Variants in XPNPEP3 observed in about 807,000 individuals in gnomAD.
XPNPEP3 encodes xaa-Pro aminopeptidase 3.
Under a neutral mutation model 60.0 loss-of-function variants are expected in XPNPEP3, and 41 were observed. The ratio of observed to expected loss-of-function variants is 0.68; its 90% CI spans 0.53 to 0.89. XPNPEP3 has a LOEUF of 0.89. Among genes scored for constraint, XPNPEP3 ranks in the 40% least tolerant of loss-of-function variants. The probability of loss-of-function intolerance (pLI) is 0.00; values close to 1 mark genes in which losing one functional copy is unlikely to be tolerated. For missense variants in XPNPEP3, 598 were observed against 638.9 expected (o/e 0.94, Z 0.69); for synonymous variants, 212 against 223.2 (o/e 0.95, Z 0.45).
At chr22:40,903,880 A>T (rs1363779731) in intron 4 of XPNPEP3, among the ~76,000 whole-genome samples, 446 of 138,612 alleles carry the variant, frequency 3.2e-3, no homozygotes, top group Non-Finnish European at 5.5e-3. Context: ...TCTGTCACAC[A>T]CACACACACA....
Position 40,903,592 on chromosome 22 carries a change from G to A in XPNPEP3, c.793-3995G>A, listed in dbSNP as rs533152323. 4.0e-5 allele frequency among the ~76,000 whole-genome samples: 6 copies of A among 151,872 alleles called. No homozygotes were observed. In the East Asian group the frequency reaches 1.2e-3, roughly 29 times the overall value. ...TGCAACCTCCGCCTCCCGGGTTCAA[G>A]CAATTCTCTGCCTCAGCCTCCCAAG... On this transcript the variant is annotated intron_variant, in intron 4 of 9. Transcript: ENST00000357137.
chr22:40,861,846 G>T, intron 1 of XPNPEP3: 1 of 1,613,668 alleles, frequency 6.2e-7, no homozygotes, highest in Non-Finnish European at 8.5e-7. Context: ...GTATGCCTCA[G>T]CTACTTCTTT....
chr22:40,877,701 T>G (rs972654857), intron 2 of XPNPEP3, among the ~76,000 whole-genome samples: 1 of 152,178 alleles, frequency 6.6e-6, no homozygotes, highest in African/African-American at 2.4e-5. Context: ...AATGCTGACT[T>G]TGTTTTTTAA....
intron 1 of XPNPEP3, 76 bp from the exon 2 acceptor site, chr22:40,868,923 T>C: frequency 8.7e-7 from 1 of 1,145,394 alleles, no homozygotes; most frequent in East Asian, 2.3e-5. Flanking sequence ...TCTAAACTGC[T>C]AGAGATAAGT....
At chr22:40,888,394 C>T in intron 4 of XPNPEP3, 1 of 439,290 alleles carries the variant, frequency 2.3e-6, no homozygotes, top group Non-Finnish European at 4.6e-6. Flanking sequence ...TTGGTGCATG[C>T]CACTATGCCT....
chr22:40,890,247 A>C (rs1308210786), intron 4 of XPNPEP3, among the ~76,000 whole-genome samples: 2 of 152,330 alleles, frequency 1.3e-5, no homozygotes, highest in East Asian at 3.9e-4. Context: ...CTAAAGGCTT[A>C]CATTAAAATA....
intron 6 of XPNPEP3, among the ~76,000 whole-genome samples, chr22:40,910,138 A>AC (rs891477447): frequency 6.6e-5 from 10 of 151,926 alleles, no homozygotes; most frequent in Non-Finnish European, 1.0e-4. Context: ...AAAAAAAAAA[A>AC]CAAAAATAAA....
At chr22:40,926,223 A>G in intron 9 of XPNPEP3, 46 bp from the exon 10 acceptor site, 1 of 1,612,116 alleles carries the variant, frequency 6.2e-7, no homozygotes, top group Non-Finnish European at 8.5e-7. Context: ...CAAACCACCC[A>G]GTTACTATCA....
Position 40,929,749 on chromosome 22 carries a change from G to A in XPNPEP3, c.*3314G>A, listed in dbSNP as rs1443444809. 6.6e-6 allele frequency: 1 copy of A among 152,078 alleles called. No individual in the cohort carries two copies. The highest frequency in any genetic ancestry group is 1.9e-4 in the East Asian group (1 of 5,196). 9.4% of individuals were successfully genotyped at this position (152,078 alleles called of 1,614,324 possible). ...CAGACTTCTCATAGCAATGTTATGG[G>A]CTGTCTGATATATTCAGGATTTGTT... is the stretch of plus-strand genomic sequence containing the variant. On this transcript the variant is annotated 3_prime_UTR_variant, in exon 10 of 10. Coordinates refer to ENST00000357137, the MANE Select transcript of XPNPEP3 (RefSeq NM_022098.4).
chr22:40,921,620 G>A (rs983309569), intron 7 of XPNPEP3, among the ~76,000 whole-genome samples: 1 of 151,950 alleles, frequency 6.6e-6, no homozygotes. Context: ...GGGACATTTA[G>A]AGTTTGTCTA....
chr22:40,925,125 A>G (rs1276463832), intron 9 of XPNPEP3, among the ~76,000 whole-genome samples: 3 of 152,222 alleles, frequency 2.0e-5, no homozygotes, highest in Non-Finnish European at 4.4e-5. Context: ...AGAGACAGGC[A>G]GACACACTAT....
intron 1 of XPNPEP3, chr22:40,862,076 A>G (rs1428252001): frequency 7.2e-6 from 11 of 1,522,122 alleles, no homozygotes; most frequent in Non-Finnish European, 8.8e-6. Context: ...GGTGGTGGTG[A>G]TAGAGGTAGT....
At chr22:40,911,287 A>G (rs1275815269) in intron 6 of XPNPEP3, among the ~76,000 whole-genome samples, 1 of 152,050 alleles carries the variant, frequency 6.6e-6, no homozygotes, top group Non-Finnish European at 1.5e-5. Context: ...GGATATTCAG[A>G]TCTGTGTTCA....
At chr22:40,858,057 G>C (rs1006949450) in intron 1 of XPNPEP3, among the ~76,000 whole-genome samples, 1 of 152,314 alleles carries the variant, frequency 6.6e-6, no homozygotes, top group South Asian at 2.1e-4. Context: ...TCATAGTAAA[G>C]CTGCAGAAAG....
chr22:40,895,457 C>A (rs1411775849), intron 4 of XPNPEP3, among the ~76,000 whole-genome samples: 3 of 151,752 alleles, frequency 2.0e-5, no homozygotes, highest in Non-Finnish European at 2.9e-5. Context: ...GCCTCAGCCT[C>A]CCAAGTAGCT....
At chr22:40,905,828 T>C (rs1185355150) in intron 4 of XPNPEP3, among the ~76,000 whole-genome samples, 2 of 152,158 alleles carry the variant, frequency 1.3e-5, no homozygotes, top group Non-Finnish European at 2.9e-5. Context: ...AGTCTCGCAC[T>C]GTGGCCCAGG....
intron 1 of XPNPEP3, chr22:40,860,408 C>T (rs2145764273): frequency 4.0e-6 from 1 of 248,982 alleles, no homozygotes; most frequent in Middle Eastern, 1.3e-3. Flanking sequence ...ATACTTTATA[C>T]TTTAATTTTT....
chr22:40,860,744 C>A, intron 1 of XPNPEP3: 2 of 797,660 alleles, frequency 2.5e-6, no homozygotes, highest in East Asian at 2.8e-5. Context: ...CCTATGTCTT[C>A]CAGGCTCAAG....
At chr22:40,915,051 T>A (rs1160212274) in intron 7 of XPNPEP3, among the ~76,000 whole-genome samples, 1 of 7,214 alleles carries the variant, frequency 1.4e-4, no homozygotes, top group Non-Finnish European at 3.0e-4. Context: ...AAGTCCATTC[T>A]TTTTTTTTTT....
Sources: allele counts gnomAD v4.1 joint callset (sites outside exome capture counted in the v4.1 genomes callset), GRCh38; gene constraint gnomAD v4.1.1; transcripts MANE v1.5; gene names NCBI Gene and HGNC (gene_info 2026-07-23, HGNC 2026-07-21).